EVC: variants seen among roughly 807,000 people sequenced by gnomAD.
EVC encodes evC complex member EVC.
In EVC, 116 loss-of-function variants were observed where a neutral mutation model predicts 118.9. The ratio of observed to expected loss-of-function variants is 0.98; its 90% CI spans 0.84 to 1.14. The LOEUF is 1.14. Among genes scored for constraint, EVC ranks in the 50% most tolerant of loss-of-function variants. The probability of loss-of-function intolerance (pLI) is 0.00; values close to 1 mark genes in which losing one functional copy is unlikely to be tolerated. For synonymous variants in EVC, 619 were observed against 534.7 expected (o/e 1.16, Z -2.18); for missense variants, 1,401 against 1,246.4 (o/e 1.12, Z -1.87).
chr4:5,730,634 T>C (rs758270152), intron 3 of EVC, among the ~76,000 whole-genome samples: 4 of 151,080 alleles, frequency 2.6e-5, no homozygotes, highest in Non-Finnish European at 5.9e-5. Context: ...GGACAGTGCA[T>C]GATGAAATAG....
At chr4:5,740,505 A>G (rs1234510026) in intron 5 of EVC, among the ~76,000 whole-genome samples, 2 of 152,116 alleles carry the variant, frequency 1.3e-5, no homozygotes, top group Admixed American at 6.5e-5. Flanking sequence ...AAAAAATATA[A>G]GAGAAATTCT....
Position 5,748,087 on chromosome 4 carries a change from C to T in EVC, c.940-61C>T, listed in dbSNP as rs4688964. On this transcript the variant is annotated intron_variant, in intron 7 of 20. Transcript: ENST00000264956. ...TGAATTGTAATTCCCGAGCACGCACCGTTTGGCTTTCTTAAGTAAGTTTTT... is the reference window on the plus strand; with the variant it reads ...TGAATTGTAATTCCCGAGCACGCACTGTTTGGCTTTCTTAAGTAAGTTTTT... 207,724 of 1,578,494 alleles carry T rather than the reference C, an allele frequency of 0.13. 17,709 individuals are homozygous for T. Among genetic ancestry groups the T allele is most frequent in the East Asian group, 0.44 (19,580 of 44,582 alleles).
Position 5,756,131 on chromosome 4 carries a change from T to A in EVC, c.1465-133T>A. The A allele has an allele frequency of 1.4e-6, 1 of 724,724 alleles. No individual in the cohort carries two copies. The highest frequency in any genetic ancestry group is 1.8e-5 in the African/African-American group (1 of 56,406). 44.9% of individuals were successfully genotyped at this position (724,724 alleles called of 1,614,324 possible). ...CATGTGACAGCCCCATGCCTCAGTT[T>A]CCTTGTGTGTAATACAGGTGCCAAC... On this transcript the variant is annotated intron_variant, in intron 10 of 20. Transcript: ENST00000264956. This position sits in a 1 kb window ranked among gnomAD's most constrained non-coding sequence, Gnocchi z 4.2.
chr4:5,816,501 T>C (rs896685705), downstream of EVC, among the ~76,000 whole-genome samples: 2 of 152,268 alleles, frequency 1.3e-5, no homozygotes, highest in African/African-American at 2.4e-5. Flanking sequence ...CTTCTTGCTC[T>C]ACCTGCTGAG....
At chr4:5,760,942 T>A (rs1169815648) in intron 11 of EVC, among the ~76,000 whole-genome samples, 6 of 152,176 alleles carry the variant, frequency 3.9e-5, no homozygotes, top group Non-Finnish European at 8.8e-5. Context: ...AGCTTTTAGG[T>A]TCCAGGTCGC....
intron 12 of EVC, among the ~76,000 whole-genome samples, chr4:5,792,908 T>C (rs1713062365): frequency 1.3e-5 from 2 of 152,050 alleles, no homozygotes; most frequent in Admixed American, 6.6e-5. Flanking sequence ...TGAAGAAAAA[T>C]GAGAGAAATG....
chr4:5,776,953 A>G (rs1395972379), intron 11 of EVC, among the ~76,000 whole-genome samples: 1 of 152,122 alleles, frequency 6.6e-6, no homozygotes, highest in Non-Finnish European at 1.5e-5. Context: ...AAGCATTGAT[A>G]TTTTAAAGAC....
chr4:5,759,989 C>T (rs1251469514), intron 11 of EVC, among the ~76,000 whole-genome samples: 1 of 151,834 alleles, frequency 6.6e-6, no homozygotes, highest in Non-Finnish European at 1.5e-5. Flanking sequence ...AGGAAGACTC[C>T]AAGCGGGAAG....
Position 5,743,420 on chromosome 4 carries a change from GTCA to G in EVC, c.801+1611_801+1613del, listed in dbSNP as rs1728905803. ...TTTCATTATCATCATCATTGTTATT[GTCA>G]TCATTTTCATTACTGCCATCGTCAT... is the stretch of plus-strand genomic sequence containing the variant. On this transcript the variant is annotated intron_variant, in intron 6 of 20. Transcript: ENST00000264956. The surrounding 1 kb of genome is among the most constrained non-coding windows in gnomAD (Gnocchi z 4.7). Among the ~76,000 whole-genome samples, 1 of 151,880 alleles carries G rather than the reference GTCA, an allele frequency of 6.6e-6. No homozygotes were observed. The highest frequency in any genetic ancestry group is 1.5e-5 in the Non-Finnish European group (1 of 67,994).
intron 11 of EVC, among the ~76,000 whole-genome samples, chr4:5,763,587 T>C (rs1459758316): frequency 7.8e-6 from 1 of 127,668 alleles, no homozygotes; most frequent in Non-Finnish European, 1.7e-5. Context: ...TGAGCAGTGG[T>C]TTGTAGTTCT....
chr4:5,717,713 G>A (rs1724214460), intron 1 of EVC, among the ~76,000 whole-genome samples: 1 of 152,190 alleles, frequency 6.6e-6, no homozygotes. Flanking sequence ...TCTCTAGAAT[G>A]CTCCTCCCTG....
intron 11 of EVC, among the ~76,000 whole-genome samples, chr4:5,767,355 TTGTC>T (rs140912208): frequency 0.28 from 37,079 of 131,080 alleles, 7,170 homozygotes; most frequent in Admixed American, 0.43. Flanking sequence ...GTCTTTTTGT[TTGTC>T]TGTGCCCTGC....
chr4:5,794,756 A>G (rs1360664280), intron 13 of EVC, among the ~76,000 whole-genome samples: 1 of 152,044 alleles, frequency 6.6e-6, no homozygotes, highest in Non-Finnish European at 1.5e-5. Context: ...TTATTTTTCA[A>G]CTTTTATTTT....
At chr4:5,782,114 G>A (rs1363023970) in intron 11 of EVC, among the ~76,000 whole-genome samples, 1 of 152,036 alleles carries the variant, frequency 6.6e-6, no homozygotes, top group Non-Finnish European at 1.5e-5. Flanking sequence ...GTCTCTCTCT[G>A]TCACCCAAGT....
rs75895161 is a variant in EVC, at chr4:5,756,215, A to C, written c.1465-49A>C. 7 of 1,475,648 alleles carry C rather than the reference A, an allele frequency of 4.7e-6. No homozygotes were observed. The African/African-American group carries it at 5.5e-5, about 12-fold the overall frequency. 91.4% of individuals were successfully genotyped at this position (1,475,648 alleles called of 1,614,324 possible). A position where few individuals can be genotyped will look rare whatever the true frequency, so the allele number is the denominator to read the frequency against. ...TTGGAGAACCTTCTGGAAAAAAAAAAAAAAACCCTGCATGTTTCTACCAGA... is the reference window on the plus strand; with the variant it reads ...TTGGAGAACCTTCTGGAAAAAAAAACAAAAACCCTGCATGTTTCTACCAGA... On this transcript the variant is annotated intron_variant, in intron 10 of 20. Coordinates refer to ENST00000264956, the MANE Select transcript of EVC (RefSeq NM_153717.3). The surrounding 1 kb of genome is among the most constrained non-coding windows in gnomAD (Gnocchi z 4.2).
chr4:5,758,679 C>T (rs1211615256), intron 11 of EVC, among the ~76,000 whole-genome samples: 2 of 152,130 alleles, frequency 1.3e-5, no homozygotes, highest in Non-Finnish European at 2.9e-5. Flanking sequence ...CCTGTCTGTG[C>T]TGGCCCATGT....
At chr4:5,758,291 A>T (rs1307510397) in intron 11 of EVC, 7 of 569,872 alleles carry the variant, frequency 1.2e-5, no homozygotes, top group Non-Finnish European at 1.9e-5. Context: ...GTGAGAGAAT[A>T]AACTTCGTTG....
chr4:5,793,236 A>G (rs1713131826), intron 12 of EVC, among the ~76,000 whole-genome samples: 2 of 152,196 alleles, frequency 1.3e-5, no homozygotes, highest in Admixed American at 6.5e-5. Flanking sequence ...GTATATGTTA[A>G]TTATACAAGA....
chr4:5,715,740 C>CCTTTTTT lies in EVC; in HGVS notation c.175-3508_175-3507insCTTTTTT, dbSNP rs1553860016. On this transcript the variant is annotated intron_variant, in intron 1 of 20. Coordinates refer to ENST00000264956, the MANE Select transcript of EVC (RefSeq NM_153717.3). Reference sequence around the variant, plus strand: ...AATTTCGAAGGCATTTTTCCATTGTCTTTTTTTTTTTTTTTTTTTTTGAGA... The same window carrying CCTTTTTT: ...AATTTCGAAGGCATTTTTCCATTGTCCTTTTTTTTTTTTTTTTTTTTTTTTTTTGAGA... 5.2e-4 allele frequency among the ~76,000 whole-genome samples: 37 copies of CCTTTTTT among 71,008 alleles called. 9 individuals are homozygous for CCTTTTTT. The highest frequency in any genetic ancestry group is 3.7e-4 in the East Asian group (1 of 2,682). 46.6% of individuals were successfully genotyped at this position (71,008 alleles called of 152,430 possible).
Sources: allele counts gnomAD v4.1 joint callset (sites outside exome capture counted in the v4.1 genomes callset), GRCh38; gene constraint gnomAD v4.1.1; non-coding constraint Gnocchi (gnomAD v3.1); transcripts MANE v1.5; gene names NCBI Gene and HGNC (gene_info 2026-07-23, HGNC 2026-07-21).